The following CFAP221 variants were observed in gnomAD, a reference collection of about 807,000 sequenced individuals.
The protein encoded by CFAP221 is cilia- and flagella-associated protein 221.
A neutral mutation model predicts 113.1 loss-of-function variants in CFAP221; 97 were observed. The observed-to-expected ratio is 0.86, with a 90% CI of 0.73 to 1.02. CFAP221 has a LOEUF of 1.02. Among genes scored for constraint, CFAP221 ranks in the 50% least tolerant of loss-of-function variants. The pLI is 0.00. For synonymous variants in CFAP221, 331 were observed against 354.4 expected (o/e 0.93, Z 0.74); for missense variants, 1,025 against 1,013.4 (o/e 1.01, Z -0.16).
chr2:119,606,752 C>T (rs1223316794), intron 11 of CFAP221, among the ~76,000 whole-genome samples: 1 of 152,190 alleles, frequency 6.6e-6, no homozygotes, highest in Non-Finnish European at 1.5e-5. Context: ...CTTGAAGTCA[C>T]ATCCCAAATC....
intron 21 of CFAP221, among the ~76,000 whole-genome samples, chr2:119,645,486 G>A (rs1687748333): frequency 6.8e-6 from 1 of 147,968 alleles, no homozygotes; most frequent in Non-Finnish European, 1.5e-5. Flanking sequence ...ATGCTTTTCT[G>A]CATTTGTTTT....
At chr2:119,579,470 C>T (rs1682696229) in intron 6 of CFAP221, among the ~76,000 whole-genome samples, 1 of 152,152 alleles carries the variant, frequency 6.6e-6, no homozygotes, top group African/African-American at 2.4e-5. Flanking sequence ...CCTTTTGACT[C>T]AAATTCATCT....
At chr2:119,605,409 A>G in intron 11 of CFAP221, 120 bp downstream of exon 11, 1 of 770,402 alleles carries the variant, frequency 1.3e-6, no homozygotes, top group Non-Finnish European at 2.1e-6. Context: ...GAATTTAATG[A>G]TTGTTTCACT....
intron 16 of CFAP221, among the ~76,000 whole-genome samples, chr2:119,628,081 G>T (rs1389256609): frequency 6.6e-6 from 1 of 152,192 alleles, no homozygotes; most frequent in Non-Finnish European, 1.5e-5. Context: ...GAGTGCAGAA[G>T]GGCAGAGAGA....
chr2:119,590,542 A>T (rs1166063340), intron 7 of CFAP221, among the ~76,000 whole-genome samples: 1 of 152,236 alleles, frequency 6.6e-6, no homozygotes, highest in Non-Finnish European at 1.5e-5. Flanking sequence ...CCGCTAGTCC[A>T]ATCATCCCAT....
At chr2:119,576,340 C>T (rs1407291116) in intron 6 of CFAP221, among the ~76,000 whole-genome samples, 1 of 152,090 alleles carries the variant, frequency 6.6e-6, no homozygotes, top group African/African-American at 2.4e-5. Context: ...CTTTTCCTGC[C>T]CCTCTCCCTC....
At chr2:119,626,903 C>T (rs951057950) in intron 15 of CFAP221, among the ~76,000 whole-genome samples, 4 of 151,372 alleles carry the variant, frequency 2.6e-5, no homozygotes, top group African/African-American at 9.7e-5. Context: ...GCACTCAAGC[C>T]CAGGTGATAG....
chr2:119,646,971 A>C lies in CFAP221; in HGVS notation c.2239A>C (p.Asn747His), dbSNP rs762822991. The part of the protein sequence containing the change: ...METTKSCDSF[N>H]SFMLPIDVPA... ...GTTTTTCCACAGCTGCGATTCCTTC[A>C]ATTCATTTATGCTTCCGATAGACGT... The change falls in exon 22 of 24, where the codon AAT (asparagine) becomes CAT (histidine). Residue 747 changes from asparagine (N) to histidine (H), a missense_variant. By Grantham distance (68) the Asn-to-His change is moderately conservative (BLOSUM62 1). Coordinates refer to ENST00000413369, the MANE Select transcript of CFAP221 (RefSeq NM_001271049.2). 8 of 1,613,560 alleles carry C rather than the reference A, an allele frequency of 5.0e-6. No individual in the cohort carries two copies. The East Asian group carries it at 1.1e-4, about 22-fold the overall frequency.
chr2:119,627,355 T>C (rs1041479691), intron 15 of CFAP221, among the ~76,000 whole-genome samples: 4 of 152,172 alleles, frequency 2.6e-5, no homozygotes, highest in Non-Finnish European at 5.9e-5. Context: ...GTGAATTCCA[T>C]GGGTCTGTGT....
At chr2:119,581,139 T>G (rs1431289969) in intron 6 of CFAP221, among the ~76,000 whole-genome samples, 1 of 152,160 alleles carries the variant, frequency 6.6e-6, no homozygotes, top group Non-Finnish European at 1.5e-5. Flanking sequence ...ATCCTTTTAC[T>G]CAAAATGAGC....
chr2:119,646,955 C>A lies in CFAP221; in HGVS notation c.2226-3C>A, dbSNP rs1240225265. The A allele has an allele frequency of 1.2e-6, 2 of 1,612,598 alleles. No homozygotes were observed. The highest frequency in any genetic ancestry group is 2.2e-5 in the South Asian group (2 of 90,954). On this transcript the variant is annotated splice_region_variant and splice_polypyrimidine_tract_variant and intron_variant, in intron 21 of 23. Coordinates refer to ENST00000413369, the MANE Select transcript of CFAP221 (RefSeq NM_001271049.2). The stretch of plus-strand genomic sequence containing the variant: ...TTTGACTGCTTGTGTGGTTTTTCCA[C>A]AGCTGCGATTCCTTCAATTCATTTA...
At chr2:119,659,357 T>A (rs1178494268), downstream of CFAP221, among the ~76,000 whole-genome samples, 2 of 152,248 alleles carry the variant, frequency 1.3e-5, no homozygotes, top group East Asian at 3.8e-4. Flanking sequence ...GTGGTTGTGT[T>A]TTCATATGAG....
intron 19 of CFAP221, 129 bp from the exon 20 acceptor site, chr2:119,638,130 A>G (rs2104783674): frequency 1.1e-6 from 1 of 889,832 alleles, no homozygotes; most frequent in Non-Finnish European, 1.7e-6. Context: ...TCTTTTCCAG[A>G]CAAGCTGACA....
intron 6 of CFAP221, chr2:119,580,714 AG>A (rs1382952900): frequency 1.3e-5 from 2 of 152,264 alleles, no homozygotes; most frequent in African/African-American, 4.8e-5. Context: ...TCCACAGAGC[AG>A]GAACAGCATA....
At chr2:119,653,225 A>G (rs1434008272) in intron 23 of CFAP221, among the ~76,000 whole-genome samples, 1 of 151,912 alleles carries the variant, frequency 6.6e-6, no homozygotes, top group African/African-American at 2.4e-5. Context: ...TACTAAAAAT[A>G]CAAAAATTAG....
chr2:119,559,337 G>A (rs991529560), intron 3 of CFAP221, among the ~76,000 whole-genome samples: 5 of 151,636 alleles, frequency 3.3e-5, no homozygotes, highest in East Asian at 1.9e-4. Flanking sequence ...GACTTAGCTC[G>A]ATTGAATCGC....
chr2:119,609,953 TA>T (rs1252570554), intron 12 of CFAP221, among the ~76,000 whole-genome samples: 1 of 152,262 alleles, frequency 6.6e-6, no homozygotes, highest in Non-Finnish European at 1.5e-5. Flanking sequence ...ATTACATTGG[TA>T]AATCTTTGCA....
intron 6 of CFAP221, among the ~76,000 whole-genome samples, chr2:119,571,942 TCTTACTTTGGGGTTGCCC>T (rs1430160117): frequency 6.6e-6 from 1 of 152,084 alleles, no homozygotes; most frequent in African/African-American, 2.4e-5. Context: ...AATTCTGCTT[TCTTACTTTGGGGTTGCCC>T]CTTACTTTGG....
chr2:119,657,775 T>G (rs1344984933), downstream of CFAP221, among the ~76,000 whole-genome samples: 1 of 152,246 alleles, frequency 6.6e-6, no homozygotes, highest in Non-Finnish European at 1.5e-5. Context: ...TTGACACCTT[T>G]GACAGTTGTT....
Sources: gnomAD v4.1 joint callset for allele counts (sites outside exome capture counted in the v4.1 genomes callset) on GRCh38, gnomAD v4.1.1 for gene constraint, MANE v1.5 for transcripts, NCBI Gene and HGNC (gene_info 2026-07-23, HGNC 2026-07-21) for gene names.